Variants in MYO10 observed in about 807,000 individuals in gnomAD.
MYO10 encodes myosin X.
A neutral mutation model predicts 257.3 loss-of-function variants in MYO10; 133 were observed. That is an observed-to-expected ratio of 0.52 (90% CI 0.45 to 0.60). The LOEUF (loss-of-function observed/expected upper bound fraction) is 0.60. Among genes scored for constraint, MYO10 ranks in the 20% least tolerant of loss-of-function variants. The pLI is 0.00. For missense variants in MYO10, 2,399 were observed against 2,635.7 expected, an observed-to-expected ratio of 0.91 and a Z score of 1.97; for synonymous variants, 1,104 against 1,028.6, an observed-to-expected ratio of 1.07 and a Z score of -1.40.
chr5:16,841,621 C>T (rs1217788950), intron 2 of MYO10, among the ~76,000 whole-genome samples: 1 of 152,118 alleles, frequency 6.6e-6, no homozygotes, highest in African/African-American at 2.4e-5. Flanking sequence ...GGTTAGGTTC[C>T]ATGAGCTCCA....
intron 1 of MYO10, among the ~76,000 whole-genome samples, chr5:16,931,867 A>G (rs1283105093): frequency 6.6e-6 from 1 of 152,210 alleles, no homozygotes; most frequent in Non-Finnish European, 1.5e-5. Context: ...CAAAAATAAC[A>G]ATGTCCACAT....
intron 2 of MYO10, among the ~76,000 whole-genome samples, chr5:16,849,926 T>G (rs1743750440): frequency 6.6e-6 from 1 of 152,208 alleles, no homozygotes. Flanking sequence ...TTGCGCTGTC[T>G]TTAGAGCCAG....
At chr5:16,822,713 A>C (rs1480048330) in intron 2 of MYO10, among the ~76,000 whole-genome samples, 2 of 143,582 alleles carry the variant, frequency 1.4e-5, no homozygotes, top group Non-Finnish European at 3.0e-5. Flanking sequence ...TTTGAGACGG[A>C]GTCTCCCTCT....
intron 1 of MYO10, among the ~76,000 whole-genome samples, chr5:16,935,499 C>T (rs1746412763): frequency 1.3e-5 from 2 of 152,218 alleles, no homozygotes; most frequent in South Asian, 4.1e-4. Context: ...CGCGCCGCCT[C>T]ACCTGGCGCG....
chr5:16,878,239 A>G (rs1744660326), intron 1 of MYO10, among the ~76,000 whole-genome samples: 3 of 152,214 alleles, frequency 2.0e-5, no homozygotes, highest in African/African-American at 7.2e-5. Context: ...CTTGGAGGAC[A>G]TTAGACCACT....
At chr5:16,852,120 A>T (rs1176363502) in intron 2 of MYO10, among the ~76,000 whole-genome samples, 2 of 145,518 alleles carry the variant, frequency 1.4e-5, no homozygotes, top group Non-Finnish European at 3.0e-5. Context: ...GAAGGAAGGA[A>T]GGGAGGGAAG....
intron 2 of MYO10, among the ~76,000 whole-genome samples, chr5:16,849,455 A>G (rs564960992): frequency 1.2e-4 from 18 of 152,342 alleles, no homozygotes; most frequent in Middle Eastern, 6.8e-3. Flanking sequence ...AAAGAGAGAT[A>G]GAAGGGAATT....
chr5:16,865,224 G>C (rs1007400178), intron 2 of MYO10, among the ~76,000 whole-genome samples: 3 of 152,052 alleles, frequency 2.0e-5, no homozygotes, highest in African/African-American at 7.2e-5. Context: ...CACTAGCACA[G>C]TCCTCTTTCC....
At chr5:16,774,686 G>A (rs1000222879) in intron 9 of MYO10, among the ~76,000 whole-genome samples, 8 of 152,104 alleles carry the variant, frequency 5.3e-5, no homozygotes, top group Non-Finnish European at 1.2e-4. Flanking sequence ...CTCCCAAAGT[G>A]CTGGGATTAC....
At chr5:16,715,618 G>A (rs919581374) in intron 19 of MYO10, among the ~76,000 whole-genome samples, 1 of 150,470 alleles carries the variant, frequency 6.6e-6, no homozygotes, top group African/African-American at 2.4e-5. Flanking sequence ...TCTTTTTGAG[G>A]TGACGAAAAT....
At chr5:16,746,776 A>G (rs1443211018) in intron 19 of MYO10, among the ~76,000 whole-genome samples, 3 of 152,216 alleles carry the variant, frequency 2.0e-5, no homozygotes, top group Non-Finnish European at 4.4e-5. Flanking sequence ...GCTCTGCTGT[A>G]ATCGGTGGTG....
chr5:16,676,275 A>C, intron 33 of MYO10, 121 bp from the exon 34 acceptor site: 1 of 1,227,488 alleles, frequency 8.1e-7, no homozygotes, highest in Non-Finnish European at 1.1e-6. Context: ...ATCCAGTGTT[A>C]GGTGGTTTCA....
At chr5:16,913,940 C>T (rs1745743030) in intron 1 of MYO10, among the ~76,000 whole-genome samples, 1 of 152,114 alleles carries the variant, frequency 6.6e-6, no homozygotes, top group Admixed American at 6.5e-5. Context: ...ACGTGGGATA[C>T]TACACTCAGC....
At chr5:16,923,342 A>G (rs1238853062) in intron 1 of MYO10, among the ~76,000 whole-genome samples, 2 of 151,118 alleles carry the variant, frequency 1.3e-5, no homozygotes, top group Non-Finnish European at 2.9e-5. Context: ...GGTGGAGTGC[A>G]GTGGCACGAT....
chr5:16,721,527 A>C (rs1316514891), intron 19 of MYO10, among the ~76,000 whole-genome samples: 1 of 152,196 alleles, frequency 6.6e-6, no homozygotes, highest in Non-Finnish European at 1.5e-5. Context: ...AAAGAGGCAG[A>C]AACTAATTTC....
At chr5:16,713,815 G>A (rs1034203499) in intron 19 of MYO10, among the ~76,000 whole-genome samples, 1 of 152,210 alleles carries the variant, frequency 6.6e-6, no homozygotes, top group African/African-American at 2.4e-5. Context: ...ACAACTTAAA[G>A]GCATTTCGCC....
At position 16,745,510 on chromosome 5, in the gene MYO10, A is replaced by T. The variant is rs189136350; in HGVS notation, c.1929+9318T>A. Among the ~76,000 whole-genome samples the T allele has an allele frequency of 2.7e-3, 396 of 148,218 alleles. 1 individual carries two copies. Among genetic ancestry groups the T allele is most frequent in the Non-Finnish European group, 4.1e-3 (277 of 67,976 alleles). ...AGACCAGCCTGGGCAACACAGTAAG[A>T]CCTCGTCTCTATGAAAAATTAAAAA... is the stretch of plus-strand genomic sequence containing the variant. On this transcript the variant is annotated intron_variant, in intron 19 of 40. Coordinates refer to ENST00000513610, the MANE Select transcript of MYO10 (RefSeq NM_012334.3).
intron 1 of MYO10, among the ~76,000 whole-genome samples, chr5:16,910,350 T>G (rs527958333): frequency 3.3e-5 from 5 of 152,196 alleles, no homozygotes; most frequent in Non-Finnish European, 7.3e-5. Context: ...GAAATTTGAG[T>G]TGAGTCCAGA....
chr5:16,794,499 T>C (rs1741870917), intron 4 of MYO10, 147 bp downstream of exon 4: 6 of 662,996 alleles, frequency 9.0e-6, no homozygotes, highest in Middle Eastern at 4.6e-4. Context: ...GAAGTTACCA[T>C]GCCATTCAAA....
Sources: gnomAD v4.1 joint callset for allele counts (sites outside exome capture counted in the v4.1 genomes callset) on GRCh38, gnomAD v4.1.1 for gene constraint, MANE v1.5 for transcripts, NCBI Gene and HGNC (gene_info 2026-07-23, HGNC 2026-07-21) for gene names.